MAP2: variants seen among roughly 807,000 people sequenced by gnomAD.
MAP2 encodes the protein microtubule associated protein 2, also known as microtubule-associated protein 2.
MAP2 carries 14 observed loss-of-function variants against 137.6 expected under a neutral mutation model. The observed-to-expected ratio is 0.10, with a 90% CI of 0.07 to 0.16. The LOEUF (loss-of-function observed/expected upper bound fraction) is 0.16. MAP2 is among the 10% of genes least tolerant of loss of function. The probability of loss-of-function intolerance (pLI) is 1.00; values close to 1 mark genes in which losing one functional copy is unlikely to be tolerated. For missense variants in MAP2, 2,088 were observed against 2,191.5 expected (o/e 0.95, Z 0.94); for synonymous variants, 786 against 782.3 (o/e 1.00, Z -0.08).
intron 2 of MAP2, among the ~76,000 whole-genome samples, chr2:209,556,177 A>G (rs1218693751): frequency 1.3e-5 from 2 of 151,760 alleles, no homozygotes; most frequent in South Asian, 4.2e-4. Flanking sequence ...AGTAGCTGGG[A>G]CTATAGGCAC....
chr2:209,640,503 T>G (rs1019698522), intron 4 of MAP2, among the ~76,000 whole-genome samples: 1 of 151,636 alleles, frequency 6.6e-6, no homozygotes, highest in Non-Finnish European at 1.5e-5. Context: ...AGGTTTTGCT[T>G]GCTTGAACAC....
chr2:209,549,601 A>G (rs1326679043), intron 2 of MAP2, among the ~76,000 whole-genome samples: 1 of 152,162 alleles, frequency 6.6e-6, no homozygotes, highest in African/African-American at 2.4e-5. Flanking sequence ...TTCAACCTTT[A>G]CAGAACCTGA....
intron 1 of MAP2, among the ~76,000 whole-genome samples, chr2:209,472,994 C>G (rs1325817128): frequency 6.6e-6 from 1 of 152,138 alleles, no homozygotes; most frequent in Non-Finnish European, 1.5e-5. Context: ...CTGATTCTTT[C>G]AACATCAGAC....
intron 1 of MAP2, among the ~76,000 whole-genome samples, chr2:209,446,802 C>G (rs139243185): frequency 6.7e-6 from 1 of 149,728 alleles, no homozygotes; most frequent in Admixed American, 6.7e-5. Flanking sequence ...GAGAAAGAAT[C>G]CTACTGCTGT....
chr2:209,529,394 T>C (rs965303600), intron 2 of MAP2, among the ~76,000 whole-genome samples: 5 of 152,194 alleles, frequency 3.3e-5, no homozygotes, highest in African/African-American at 1.2e-4. Context: ...AACAACTGTA[T>C]GTGTGATTTG....
intron 7 of MAP2, chr2:209,690,538 C>A: frequency 8.5e-7 from 1 of 1,179,742 alleles, no homozygotes; most frequent in Non-Finnish European, 1.1e-6. Context: ...GTTCCTTTAG[C>A]AATATTTCTG....
chr2:209,560,508 G>A (rs2153345844), intron 2 of MAP2, among the ~76,000 whole-genome samples: 1 of 147,530 alleles, frequency 6.8e-6, no homozygotes, highest in Admixed American at 6.7e-5. Flanking sequence ...GAGATAGGGT[G>A]TCATTCTGTT....
chr2:209,690,977 G>A (rs556515861), intron 7 of MAP2: 5 of 914,130 alleles, frequency 5.5e-6, no homozygotes, highest in Non-Finnish European at 7.2e-6. Flanking sequence ...GTCCACTGTT[G>A]TAGGCTTAAT....
chr2:209,654,181 A>G (rs1466895400), intron 5 of MAP2, among the ~76,000 whole-genome samples: 4 of 152,364 alleles, frequency 2.6e-5, no homozygotes, highest in South Asian at 4.1e-4. Context: ...TTTAAGGGGA[A>G]CAGTGATAAT....
At chr2:209,505,218 T>C (rs2060887752) in intron 1 of MAP2, among the ~76,000 whole-genome samples, 1 of 152,198 alleles carries the variant, frequency 6.6e-6, no homozygotes, top group Admixed American at 6.6e-5. Context: ...TTCAAGATCC[T>C]CTAGGCCAAA....
At chr2:209,714,859 A>G (rs983404783) in intron 13 of MAP2, among the ~76,000 whole-genome samples, 4 of 152,170 alleles carry the variant, frequency 2.6e-5, no homozygotes, top group African/African-American at 9.7e-5. Flanking sequence ...TTAATGAATA[A>G]TTAGTCACTT....
At chr2:209,462,763 G>A (rs1224923172) in intron 1 of MAP2, among the ~76,000 whole-genome samples, 1 of 152,116 alleles carries the variant, frequency 6.6e-6, no homozygotes, top group East Asian at 1.9e-4. Context: ...AATTGGTTTA[G>A]TATTTGGTTA....
At chr2:209,429,393 T>A (rs1693612912) in intron 1 of MAP2, among the ~76,000 whole-genome samples, 1 of 152,188 alleles carries the variant, frequency 6.6e-6, no homozygotes, top group Non-Finnish European at 1.5e-5. Context: ...GTTTTTTTTT[T>A]TTAACAACTA....
chr2:209,584,713 G>A (rs2077279111), intron 3 of MAP2, among the ~76,000 whole-genome samples: 1 of 152,054 alleles, frequency 6.6e-6, no homozygotes, highest in Admixed American at 6.6e-5. Context: ...AATCCCAGGG[G>A]AAAAACAAAA....
At chr2:209,653,066 T>C in intron 4 of MAP2, 76 bp from the exon 5 acceptor site, 1 of 1,195,066 alleles carries the variant, frequency 8.4e-7, no homozygotes, top group Non-Finnish European at 1.1e-6. Flanking sequence ...TGCTACAAAT[T>C]TTTCCTATCT....
chr2:209,575,262 A>C (rs376919565), intron 2 of MAP2, among the ~76,000 whole-genome samples: 412 of 152,118 alleles, frequency 2.7e-3, no homozygotes, highest in African/African-American at 7.5e-3. Flanking sequence ...TGGCTCATGC[A>C]TGTAATCCCA....
chr2:209,512,153 A>G (rs1053975694), intron 2 of MAP2, among the ~76,000 whole-genome samples: 3 of 152,126 alleles, frequency 2.0e-5, no homozygotes, highest in Non-Finnish European at 4.4e-5. Flanking sequence ...TAAATGAGAT[A>G]TTATTATGAG....
chr2:209,598,218 G>C (rs1262479353), intron 3 of MAP2, among the ~76,000 whole-genome samples: 1 of 151,682 alleles, frequency 6.6e-6, no homozygotes, highest in African/African-American at 2.4e-5. Flanking sequence ...TATTGGCCAG[G>C]CTGGTCGCGA....
intron 1 of MAP2, among the ~76,000 whole-genome samples, chr2:209,478,277 A>T (rs1243754794): frequency 6.6e-6 from 1 of 152,104 alleles, no homozygotes; most frequent in Non-Finnish European, 1.5e-5. Flanking sequence ...ATCTCCTGTG[A>T]CCCTTAGCAA....
Sources: allele counts gnomAD v4.1 joint callset (sites outside exome capture counted in the v4.1 genomes callset), GRCh38; gene constraint gnomAD v4.1.1; transcripts MANE v1.5; gene names NCBI Gene and HGNC (gene_info 2026-07-23, HGNC 2026-07-21).